GNG4: variants seen among roughly 807,000 people sequenced by gnomAD.
GNG4 encodes the protein guanine nucleotide-binding protein G(I)/G(S)/G(O) subunit gamma-4.
Under a neutral mutation model 5.8 loss-of-function variants are expected in GNG4, and 4 were observed. The ratio of observed to expected loss-of-function variants is 0.69; its 90% confidence interval spans 0.34 to 1.57. The LOEUF (loss-of-function observed/expected upper bound fraction) is 1.57. Among genes scored for constraint, GNG4 ranks in the 40% most tolerant of loss-of-function variants. GNG4 has a pLI of 0.06. For synonymous variants in GNG4, 29 were observed against 32.9 expected (o/e 0.88, Z 0.41); for missense variants, 96 against 95.1 (o/e 1.01, Z -0.04).
intron 3 of GNG4, among the ~76,000 whole-genome samples, chr1:235,573,405 T>C (rs1433965013): frequency 2.0e-5 from 3 of 151,622 alleles, no homozygotes; most frequent in East Asian, 3.9e-4. Flanking sequence ...GCACACCAAA[T>C]ATGGCACACG....
At chr1:235,558,148 G>A (rs971300164) in intron 3 of GNG4, among the ~76,000 whole-genome samples, 8 of 152,172 alleles carry the variant, frequency 5.3e-5, no homozygotes, top group African/African-American at 1.4e-4. Flanking sequence ...TATTACTGCC[G>A]ATCAAGAAGT....
chr1:235,610,475 C>T (rs531397354), intron 1 of GNG4, among the ~76,000 whole-genome samples: 7 of 152,226 alleles, frequency 4.6e-5, no homozygotes, highest in African/African-American at 1.7e-4. Flanking sequence ...TGTTCCTTAT[C>T]AAACTTTCAA....
At chr1:235,586,393 T>TGC (rs1687761268) in intron 2 of GNG4, among the ~76,000 whole-genome samples, 1 of 152,200 alleles carries the variant, frequency 6.6e-6, no homozygotes, top group South Asian at 2.1e-4. Flanking sequence ...TGTGTGTGTG[T>TGC]GCTGATGTGT....
At chr1:235,646,314 T>C (rs1657510315) in intron 1 of GNG4, among the ~76,000 whole-genome samples, 1 of 152,252 alleles carries the variant, frequency 6.6e-6, no homozygotes, top group South Asian at 2.1e-4. Flanking sequence ...CTTTCACTTG[T>C]CATTTGTGTA....
At chr1:235,606,995 G>A (rs1688377104) in intron 1 of GNG4, among the ~76,000 whole-genome samples, 2 of 142,912 alleles carry the variant, frequency 1.4e-5, no homozygotes, top group South Asian at 4.4e-4. Flanking sequence ...CTGGAGTGCA[G>A]TCGTGTGATC....
rs936891978 is a variant in GNG4 at position 235,603,572 on chromosome 1, A to G, written c.-122-8061T>C. Among the ~76,000 whole-genome samples, 11 of 152,276 alleles carry G rather than the reference A, an allele frequency of 7.2e-5. No individual in the cohort carries two copies. In the East Asian group the frequency reaches 1.5e-3, roughly 21 times the overall value. ...ATGACTCTTCCCCACTCCGACTTCA[A>G]CCACTTTGCAAATTAAGTACTGTGA... is the stretch of plus-strand genomic sequence containing the variant. On this transcript the variant is annotated intron_variant, in intron 1 of 3. Coordinates refer to ENST00000391854, the MANE Select transcript of GNG4 (RefSeq NM_001098722.2).
At chr1:235,591,362 C>G (rs1224515638) in intron 2 of GNG4, among the ~76,000 whole-genome samples, 1 of 152,170 alleles carries the variant, frequency 6.6e-6, no homozygotes, top group Non-Finnish European at 1.5e-5. Context: ...GGAGCCCCTT[C>G]CCTGAGGTGG....
intron 1 of GNG4, among the ~76,000 whole-genome samples, chr1:235,634,942 A>G (rs1045408607): frequency 2.2e-5 from 3 of 134,278 alleles, no homozygotes; most frequent in African/African-American, 6.6e-5. Context: ...CTCAAAAAAC[A>G]AAAAACAAAA....
At chr1:235,558,789 A>G (rs1015024780) in intron 3 of GNG4, among the ~76,000 whole-genome samples, 3 of 152,212 alleles carry the variant, frequency 2.0e-5, no homozygotes, top group Non-Finnish European at 4.4e-5. Flanking sequence ...GTTCACTGTG[A>G]TGAAATGCCT....
intron 1 of GNG4, among the ~76,000 whole-genome samples, chr1:235,629,722 G>C (rs1474693615): frequency 2.0e-5 from 3 of 151,714 alleles, no homozygotes; most frequent in Admixed American, 6.6e-5. Flanking sequence ...TCAGCGTCCC[G>C]AGTAGCTGGG....
chr1:235,618,151 A>G (rs1449030286), intron 1 of GNG4, among the ~76,000 whole-genome samples: 1 of 152,128 alleles, frequency 6.6e-6, no homozygotes, highest in Non-Finnish European at 1.5e-5. Context: ...CCATAAATAA[A>G]AGCATGAATA....
Position 235,552,154 on chromosome 1 carries a change from T to C in GNG4, c.183A>G (p.Ser61=), listed in dbSNP as rs370893553. Residue 61 remains serine (S), a synonymous_variant, in exon 4 of 4, where the codon TCA becomes TCG. Coordinates refer to ENST00000391854, the MANE Select transcript of GNG4 (RefSeq NM_001098722.2). ...ACTTCTTCTCGCGAAAGGGGTTTTC[T>C]GATGCAGGCACTGGAATGATGAGAG... ...EDPLIIPVPA[S]ENPFREKKFF... The C allele has an allele frequency of 4.4e-5, 71 of 1,613,926 alleles. 2 individuals are homozygous for C. The highest frequency in any genetic ancestry group is 3.1e-4 in the East Asian group (14 of 44,892).
At chr1:235,631,544 A>G (rs1571923190) in intron 1 of GNG4, among the ~76,000 whole-genome samples, 1 of 150,364 alleles carries the variant, frequency 6.7e-6, no homozygotes, top group Non-Finnish European at 1.5e-5. Flanking sequence ...TTGCATGCCC[A>G]GCGTAGCTTA....
intron 1 of GNG4, among the ~76,000 whole-genome samples, chr1:235,605,251 C>G (rs1688334585): frequency 6.6e-6 from 1 of 150,790 alleles, no homozygotes; most frequent in African/African-American, 2.4e-5. Context: ...AGTGCAGCGG[C>G]ACGATCCCGG....
At chr1:235,583,467 AC>A (rs1687692977) in intron 3 of GNG4, among the ~76,000 whole-genome samples, 1 of 152,246 alleles carries the variant, frequency 6.6e-6, no homozygotes, top group African/African-American at 2.4e-5. Context: ...TATTGGCATG[AC>A]AACGGAGCTA....
At chr1:235,636,355 T>G (rs1689037102) in intron 1 of GNG4, among the ~76,000 whole-genome samples, 1 of 152,192 alleles carries the variant, frequency 6.6e-6, no homozygotes, top group Non-Finnish European at 1.5e-5. Context: ...GAAGGCTCTT[T>G]GGGGGTCTCA....
chr1:235,586,571 G>T (rs768388865), intron 2 of GNG4, among the ~76,000 whole-genome samples: 13 of 152,222 alleles, frequency 8.5e-5, no homozygotes, highest in Non-Finnish European at 1.6e-4. Context: ...GGTCCTGGTG[G>T]GAGGTACTGG....
intron 1 of GNG4, among the ~76,000 whole-genome samples, chr1:235,639,793 C>T (rs191176024): frequency 6.6e-6 from 1 of 152,250 alleles, no homozygotes; most frequent in Non-Finnish European, 1.5e-5. Context: ...AGGCGTGAGC[C>T]ACCGTGCCCC....
At chr1:235,635,912 C>T (rs183139694) in intron 1 of GNG4, among the ~76,000 whole-genome samples, 20 of 152,318 alleles carry the variant, frequency 1.3e-4, no homozygotes, top group Admixed American at 1.1e-3. Context: ...TTCAGAGACC[C>T]CTTGCAGTGG....
Sources: allele counts gnomAD v4.1 joint callset (sites outside exome capture counted in the v4.1 genomes callset), GRCh38; gene constraint gnomAD v4.1.1; transcripts MANE v1.5; gene names NCBI Gene and HGNC (gene_info 2026-07-23, HGNC 2026-07-21).